Variants in CLEC16A observed in about 807,000 individuals in gnomAD.
The protein encoded by CLEC16A is C-type lectin domain containing 16A.
Under a neutral mutation model 109.5 loss-of-function variants are expected in CLEC16A, and 51 were observed. The ratio of observed to expected loss-of-function variants is 0.47; its 90% confidence interval spans 0.37 to 0.59. The LOEUF (loss-of-function observed/expected upper bound fraction) is 0.59, where lower values mean the gene tolerates loss of function less well. Among genes scored for constraint, CLEC16A ranks in the 20% least tolerant of loss-of-function variants. The probability of loss-of-function intolerance (pLI) is 0.00; values close to 1 mark genes in which losing one functional copy is unlikely to be tolerated. For missense variants in CLEC16A, 1,339 were observed against 1,394.0 expected (o/e 0.96, Z 0.63); for synonymous variants, 673 against 564.2 (o/e 1.19, Z -2.73).
chr16:11,059,614 A>G (rs2048376993), intron 18 of CLEC16A, among the ~76,000 whole-genome samples: 1 of 152,098 alleles, frequency 6.6e-6, no homozygotes, highest in African/African-American at 2.4e-5. Context: ...TGCTGTATAG[A>G]GGGCACCTCC....
intron 23 of CLEC16A, among the ~76,000 whole-genome samples, chr16:11,171,500 C>T (rs769442108): frequency 2.0e-5 from 3 of 152,188 alleles, no homozygotes; most frequent in Non-Finnish European, 4.4e-5. Context: ...ACCCTCCCCA[C>T]GAAGTGTCCA....
chr16:11,076,607 C>A (rs1401328915), intron 19 of CLEC16A, among the ~76,000 whole-genome samples: 1 of 152,074 alleles, frequency 6.6e-6, no homozygotes, highest in Admixed American at 6.5e-5. Flanking sequence ...ATTGCTCAGG[C>A]CTCAGGAGGG....
chr16:10,980,359 A>T (rs2043253200), intron 9 of CLEC16A, among the ~76,000 whole-genome samples: 2 of 151,994 alleles, frequency 1.3e-5, no homozygotes, highest in African/African-American at 4.8e-5. Context: ...GACGGCGCTG[A>T]GCATAAACCC....
chr16:11,166,402 C>A lies in CLEC16A; in HGVS notation c.2656C>A (p.Gln886Lys). 6.2e-7 allele frequency: 1 copy of A among 1,602,584 alleles called. No homozygotes were observed. Among genetic ancestry groups the A allele is most frequent in the Non-Finnish European group, 8.5e-7 (1 of 1,178,378 alleles). ...VDKVPGFAVA[Q>K]CINQHSSPSL... ...TTGTCTTGCAGGCTTCGCCGTGGCC[C>A]AGTGCATAAACCAGCACAGCTCCCC... The change falls in exon 23 of 24, where the codon CAG becomes AAG. Residue 886 changes from glutamine to lysine, a missense_variant. Gln to Lys is a moderately conservative substitution (Grantham distance 53). This residue lies in a region of CLEC16A where 1,061 missense variants were observed against 1,006.8 expected (regional missense o/e 1.05). Coordinates refer to ENST00000409790, the MANE Select transcript of CLEC16A (RefSeq NM_015226.3).
intron 22 of CLEC16A, among the ~76,000 whole-genome samples, chr16:11,158,463 T>G (rs2054610165): frequency 6.6e-6 from 1 of 152,224 alleles, no homozygotes; most frequent in African/African-American, 2.4e-5. Flanking sequence ...CCTGTCCAAA[T>G]CTTAGAGCTT....
intron 19 of CLEC16A, among the ~76,000 whole-genome samples, chr16:11,078,048 A>G (rs1175386799): frequency 1.3e-5 from 2 of 151,830 alleles, no homozygotes; most frequent in African/African-American, 4.8e-5. Flanking sequence ...TGGGACATGT[A>G]AAAGCATAAA....
chr16:11,144,729 C>T (rs1179914464), intron 22 of CLEC16A, among the ~76,000 whole-genome samples: 2 of 152,180 alleles, frequency 1.3e-5, no homozygotes, highest in South Asian at 2.1e-4. Context: ...AAGAGAGGGC[C>T]GTTGGTGACA....
At chr16:10,958,720 A>G (rs1306036690) in intron 2 of CLEC16A, among the ~76,000 whole-genome samples, 6 of 152,150 alleles carry the variant, frequency 3.9e-5, no homozygotes, top group Non-Finnish European at 7.4e-5. Flanking sequence ...CCTGGGCAAC[A>G]TACAGAGACC....
intron 18 of CLEC16A, among the ~76,000 whole-genome samples, chr16:11,055,492 G>T (rs546950936): frequency 1.3e-5 from 2 of 151,760 alleles, no homozygotes; most frequent in East Asian, 3.9e-4. Flanking sequence ...GGGAGGGGCA[G>T]GAGCGCAGCT....
chr16:11,031,652 G>A (rs2046748090), intron 13 of CLEC16A, among the ~76,000 whole-genome samples: 2 of 152,332 alleles, frequency 1.3e-5, no homozygotes, highest in Admixed American at 1.3e-4. Context: ...CAGTATTGGG[G>A]ATGCAGTGGT....
chr16:11,001,558 C>T (rs541093922), intron 10 of CLEC16A, among the ~76,000 whole-genome samples: 19 of 152,150 alleles, frequency 1.2e-4, no homozygotes, highest in Admixed American at 1.2e-3. Context: ...CCTTTCTGCT[C>T]CTCTATTTTC....
At chr16:11,100,862 T>C (rs1204296886) in intron 19 of CLEC16A, among the ~76,000 whole-genome samples, 1 of 152,186 alleles carries the variant, frequency 6.6e-6, no homozygotes, top group Admixed American at 6.5e-5. Context: ...TTAAACAAAG[T>C]CTGTAACGGG....
chr16:10,989,850 T>C (rs1212296435), intron 10 of CLEC16A, among the ~76,000 whole-genome samples: 1 of 152,226 alleles, frequency 6.6e-6, no homozygotes, highest in Non-Finnish European at 1.5e-5. Context: ...AATCGTTGAC[T>C]TAGCTCCCCT....
At chr16:11,007,553 C>G (rs141648426) in intron 11 of CLEC16A, among the ~76,000 whole-genome samples, 13 of 152,166 alleles carry the variant, frequency 8.5e-5, no homozygotes, top group Admixed American at 6.5e-4. Flanking sequence ...CTTCCTAATG[C>G]CTGGGCCTCA....
intron 11 of CLEC16A, among the ~76,000 whole-genome samples, chr16:11,011,111 C>T (rs1457642834): frequency 6.6e-6 from 1 of 152,210 alleles, no homozygotes; most frequent in Non-Finnish European, 1.5e-5. Flanking sequence ...TCCTTTTCTT[C>T]CCAACTAATA....
At chr16:10,991,180 G>A (rs2043983561) in intron 10 of CLEC16A, among the ~76,000 whole-genome samples, 1 of 152,066 alleles carries the variant, frequency 6.6e-6, no homozygotes, top group Non-Finnish European at 1.5e-5. Context: ...AGCAGAGGAT[G>A]GACATGGGCA....
chr16:11,143,999 A>G (rs915789855), intron 22 of CLEC16A, among the ~76,000 whole-genome samples: 2 of 152,182 alleles, frequency 1.3e-5, no homozygotes, highest in South Asian at 2.1e-4. Flanking sequence ...GAAGGATCAG[A>G]ACCCCATAAT....
chr16:11,027,793 T>G (rs2046500064), intron 13 of CLEC16A: 13 of 955,278 alleles, frequency 1.4e-5, no homozygotes, highest in South Asian at 1.1e-4. Flanking sequence ...AGTATATTTT[T>G]GATCAATGAA....
At chr16:11,098,693 G>A (rs1282794654) in intron 19 of CLEC16A, among the ~76,000 whole-genome samples, 2 of 152,180 alleles carry the variant, frequency 1.3e-5, no homozygotes, top group African/African-American at 4.8e-5. Context: ...GCCTCCCTTC[G>A]AGGAACCCTG....
Sources: allele counts gnomAD v4.1 joint callset (sites outside exome capture counted in the v4.1 genomes callset), GRCh38; gene constraint gnomAD v4.1.1; regional missense constraint gnomAD v4.1.1; transcripts MANE v1.5; gene names NCBI Gene and HGNC (gene_info 2026-07-23, HGNC 2026-07-21).